Variants in NAA60 observed in about 807,000 individuals in gnomAD.
The protein encoded by NAA60 is N-alpha-acetyltransferase 60, NatF catalytic subunit, also known as N-alpha-acetyltransferase 60.
NAA60 carries 8 observed loss-of-function variants against 26.1 expected under a neutral mutation model. The observed-to-expected ratio is 0.31, with a 90% CI of 0.18 to 0.55. NAA60 has a LOEUF of 0.55. Ranked by LOEUF, NAA60 falls within the 20% of genes least tolerant of loss-of-function variation. The probability of loss-of-function intolerance (pLI) is 0.93; values close to 1 mark genes in which losing one functional copy is unlikely to be tolerated. For synonymous variants in NAA60, 131 were observed against 122.5 expected, an observed-to-expected ratio of 1.07 and a Z score of -0.46; for missense variants, 290 against 311.3, an observed-to-expected ratio of 0.93 and a Z score of 0.51.
At chr16:3,449,870 G>T in intron 2 of NAA60, 2 of 381,226 alleles carry the variant, frequency 5.2e-6, no homozygotes, top group Non-Finnish European at 9.3e-6. Context: ...GCCCTCTTTT[G>T]TCTGCCACCA....
At chr16:3,448,195 G>A (rs1039408366) in intron 1 of NAA60, among the ~76,000 whole-genome samples, 2 of 149,626 alleles carry the variant, frequency 1.3e-5, no homozygotes, top group South Asian at 2.1e-4. Context: ...AATCACTTGA[G>A]TCCAGGAGTT....
chr16:3,484,602 T>C, intron 6 of NAA60, 97 bp from the exon 7 acceptor site: 4 of 1,478,026 alleles, frequency 2.7e-6, no homozygotes, highest in African/African-American at 2.8e-5. Context: ...GCTTGCCATC[T>C]GCACACAGTC....
At chr16:3,465,503 A>G (rs1441428372) in intron 2 of NAA60, among the ~76,000 whole-genome samples, 6 of 152,098 alleles carry the variant, frequency 3.9e-5, no homozygotes, top group African/African-American at 9.7e-5. Flanking sequence ...TGCCCCCACC[A>G]CAATCCAGCC....
intron 1 of NAA60, chr16:3,447,646 C>T (rs1326013462): frequency 1.0e-6 from 1 of 985,152 alleles, no homozygotes; most frequent in African/African-American, 1.7e-5. Flanking sequence ...TTTCTCCCAA[C>T]TTCAGCAAGA....
At chr16:3,475,984 G>T (rs2036454168) in intron 2 of NAA60, among the ~76,000 whole-genome samples, 1 of 152,250 alleles carries the variant, frequency 6.6e-6, no homozygotes, top group Non-Finnish European at 1.5e-5. Flanking sequence ...GGGCTGAGCA[G>T]TGGAGGGCCT....
intron 5 of NAA60, 33 bp from the exon 6 acceptor site, chr16:3,483,330 C>T (rs1041359936): frequency 1.3e-6 from 2 of 1,504,886 alleles, no homozygotes; most frequent in African/African-American, 1.4e-5. Context: ...CCTAACTGCT[C>T]TGCCTGCATT....
intron 2 of NAA60, among the ~76,000 whole-genome samples, chr16:3,455,712 T>TGTTTG (rs985471400): frequency 6.6e-6 from 1 of 150,714 alleles, no homozygotes; most frequent in African/African-American, 2.4e-5. Context: ...TGGGTTTTTT[T>TGTTTG]GTTTTGTTTT....
chr16:3,445,471 G>C (rs1379531183), intron 1 of NAA60, among the ~76,000 whole-genome samples: 1 of 151,514 alleles, frequency 6.6e-6, no homozygotes, highest in Non-Finnish European at 1.5e-5. Context: ...AGTAGAGATG[G>C]GGTTTCATCA....
intron 2 of NAA60, among the ~76,000 whole-genome samples, chr16:3,468,857 C>G (rs12446183): frequency 2.0e-5 from 3 of 152,132 alleles, no homozygotes; most frequent in Admixed American, 6.5e-5. Flanking sequence ...AGGTGGATCA[C>G]GAGGTTAGGG....
intron 4 of NAA60, among the ~76,000 whole-genome samples, chr16:3,480,524 G>A (rs542123647): frequency 8.6e-5 from 13 of 151,750 alleles, no homozygotes; most frequent in Non-Finnish European, 1.2e-4. Flanking sequence ...TTGAACCCAC[G>A]AGGCAGAGGT....
rs565717589 is a variant in NAA60 at position 3,458,155 on chromosome 16, C to A, written c.-7+9615C>A. On this transcript the variant is annotated intron_variant, in intron 2 of 7. Coordinates refer to ENST00000407558, the MANE Select transcript of NAA60 (RefSeq NM_001083601.3). The stretch of plus-strand genomic sequence containing the variant: ...AGGATGCGCTGAGCCCTACAACACC[C>A]CCAGCGGCCGCCGGCTCCCCCACGA... 6.1e-6 allele frequency: 6 copies of A among 985,100 alleles called. No individual in the cohort carries two copies. In the South Asian group the frequency reaches 2.3e-4, roughly 39 times the overall value. 61.0% of individuals were successfully genotyped at this position (985,100 alleles called of 1,614,324 possible).
At chr16:3,458,131 G>C (rs952641387) in intron 2 of NAA60, 413 of 985,122 alleles carry the variant, frequency 4.2e-4, no homozygotes, top group Non-Finnish European at 4.9e-4. Context: ...TTCGCCTCCA[G>C]GATGCGCTGA....
intron 2 of NAA60, 196 bp from the exon 3 acceptor site, chr16:3,476,026 G>A (rs1421522633): frequency 3.5e-6 from 2 of 569,114 alleles, no homozygotes; most frequent in Non-Finnish European, 6.3e-6. Context: ...TCCTGGGCCT[G>A]GGTCTTCCCA....
At chr16:3,474,887 C>T (rs1269387116) in intron 2 of NAA60, among the ~76,000 whole-genome samples, 2 of 152,230 alleles carry the variant, frequency 1.3e-5, no homozygotes, top group Non-Finnish European at 2.9e-5. Context: ...ATGAACTACG[C>T]AGTTCCTCCT....
chr16:3,474,195 A>G (rs1220629289), intron 2 of NAA60, among the ~76,000 whole-genome samples: 3 of 152,236 alleles, frequency 2.0e-5, no homozygotes, highest in Non-Finnish European at 4.4e-5. Context: ...AGGAGCTGAG[A>G]ACCACACAAG....
Position 3,485,243 on chromosome 16 carries a change from C to T in NAA60, c.*206+182C>T, listed in dbSNP as rs775435479. ...ACTTGTGCCAAGCTAACACAGCAGGCTCCATGGCAACTGGGCTGTGCACCC... is the reference window on the plus strand; with the variant it reads ...ACTTGTGCCAAGCTAACACAGCAGGTTCCATGGCAACTGGGCTGTGCACCC... On this transcript the variant is annotated intron_variant, in intron 7 of 7. Transcript: ENST00000407558. The T allele has an allele frequency of 9.1e-6, 6 of 656,994 alleles. 1 individual carries two copies. Among genetic ancestry groups the T allele is most frequent in the South Asian group, 9.0e-5 (6 of 66,334 alleles). The allele number at this position is 656,994 out of a possible 1,614,324, so 40.7% of individuals were successfully genotyped here.
intron 3 of NAA60, among the ~76,000 whole-genome samples, chr16:3,479,154 C>T (rs2036670986): frequency 6.6e-6 from 1 of 152,246 alleles, no homozygotes; most frequent in African/African-American, 2.4e-5. Flanking sequence ...GCAGGAGAAT[C>T]GATTGAACCC....
At chr16:3,468,787 A>AGG (rs1354060889) in intron 2 of NAA60, among the ~76,000 whole-genome samples, 1 of 152,194 alleles carries the variant, frequency 6.6e-6, no homozygotes, top group African/African-American at 2.4e-5. Context: ...TAAAAATTCA[A>AGG]GGGAGTGGCC....
chr16:3,476,074 T>C, intron 2 of NAA60, 148 bp from the exon 3 acceptor site: 1 of 600,610 alleles, frequency 1.7e-6, no homozygotes, highest in Non-Finnish European at 2.9e-6. Flanking sequence ...GGGAGGGCGA[T>C]CGTGAGAGGC....
Sources: allele counts gnomAD v4.1 joint callset (sites outside exome capture counted in the v4.1 genomes callset), GRCh38; gene constraint gnomAD v4.1.1; transcripts MANE v1.5; gene names NCBI Gene and HGNC (gene_info 2026-07-23, HGNC 2026-07-21).